The following MAP2 variants were observed in gnomAD, a reference collection of about 807,000 sequenced individuals.
MAP2 encodes the protein microtubule associated protein 2.
MAP2 carries 14 observed loss-of-function variants against 137.6 expected under a neutral mutation model. That is an observed-to-expected ratio of 0.10 (90% CI 0.07 to 0.16). The LOEUF (loss-of-function observed/expected upper bound fraction) is 0.16. Ranked by LOEUF, MAP2 falls within the 10% of genes least tolerant of loss-of-function variation. The probability of loss-of-function intolerance (pLI) is 1.00; values close to 1 mark genes in which losing one functional copy is unlikely to be tolerated. For missense variants in MAP2, 2,088 were observed against 2,191.5 expected, an observed-to-expected ratio of 0.95 and a Z score of 0.94; for synonymous variants, 786 against 782.3, an observed-to-expected ratio of 1.00 and a Z score of -0.08.
intron 1 of MAP2, among the ~76,000 whole-genome samples, chr2:209,477,336 A>G (rs917070144): frequency 2.0e-5 from 3 of 152,230 alleles, no homozygotes; most frequent in Non-Finnish European, 4.4e-5. Flanking sequence ...TATATTGAAA[A>G]AAAAGCCACA....
At chr2:209,515,137 T>G (rs1262652439) in intron 2 of MAP2, among the ~76,000 whole-genome samples, 1 of 152,172 alleles carries the variant, frequency 6.6e-6, no homozygotes, top group Non-Finnish European at 1.5e-5. Context: ...GTCTTCATTT[T>G]CTTTCTTTCG....
chr2:209,446,976 C>G (rs1019439216), intron 1 of MAP2, among the ~76,000 whole-genome samples: 2 of 152,048 alleles, frequency 1.3e-5, no homozygotes, highest in Middle Eastern at 3.4e-3. Context: ...GTAGGTACTT[C>G]AAGATTACCT....
intron 1 of MAP2, among the ~76,000 whole-genome samples, chr2:209,485,095 C>T (rs950995832): frequency 4.6e-5 from 7 of 152,182 alleles, no homozygotes; most frequent in African/African-American, 1.7e-4. Flanking sequence ...TCTATAGTTT[C>T]TTTGCTGTGG....
intron 5 of MAP2, among the ~76,000 whole-genome samples, chr2:209,676,361 G>T (rs2153677110): frequency 6.6e-6 from 1 of 151,398 alleles, no homozygotes; most frequent in African/African-American, 2.4e-5. Context: ...ACATCAAGGG[G>T]AACAACACAC....
intron 13 of MAP2, among the ~76,000 whole-genome samples, chr2:209,719,487 T>C (rs1051292310): frequency 4.6e-5 from 7 of 152,238 alleles, no homozygotes; most frequent in African/African-American, 1.7e-4. Context: ...GAATGTATTT[T>C]CTTTCATTTT....
At chr2:209,635,829 A>G (rs531123011) in intron 4 of MAP2, among the ~76,000 whole-genome samples, 7 of 152,132 alleles carry the variant, frequency 4.6e-5, no homozygotes, top group South Asian at 2.1e-4. Flanking sequence ...CGGCCATTTA[A>G]TAGAATTCTC....
At chr2:209,468,572 G>A (rs527611822) in intron 1 of MAP2, among the ~76,000 whole-genome samples, 273 of 151,872 alleles carry the variant, frequency 1.8e-3, no homozygotes, top group African/African-American at 6.0e-3. Flanking sequence ...CACCCGCCTC[G>A]GCCTCCCAAA....
At chr2:209,481,949 G>A (rs1708880430) in intron 1 of MAP2, among the ~76,000 whole-genome samples, 1 of 152,052 alleles carries the variant, frequency 6.6e-6, no homozygotes, top group Non-Finnish European at 1.5e-5. Context: ...TAAAATACAC[G>A]AGCATTCTCT....
intron 1 of MAP2, among the ~76,000 whole-genome samples, chr2:209,472,751 C>A (rs928863380): frequency 2.0e-5 from 3 of 152,010 alleles, no homozygotes; most frequent in African/African-American, 7.3e-5. Flanking sequence ...AAAATTATTG[C>A]CGTCACTGAA....
rs1330924685 is a variant in MAP2, at chr2:209,485,432, A to G, written c.-221-22160A>G. 3.3e-5 allele frequency among the ~76,000 whole-genome samples: 5 copies of G among 152,288 alleles called. No individual in the cohort carries two copies. The South Asian group carries it at 1.0e-3, about 32-fold the overall frequency. ...GGAAATAAAATACATGTTATTATTG[A>G]AAACACTTTATTGAATGAGGATTTC... On this transcript the variant is annotated intron_variant, in intron 1 of 15. Coordinates refer to ENST00000682079, the MANE Select transcript of MAP2 (RefSeq NM_001375505.1).
chr2:209,516,857 T>C (rs1576872957), intron 2 of MAP2, among the ~76,000 whole-genome samples: 2 of 152,250 alleles, frequency 1.3e-5, no homozygotes, highest in East Asian at 1.9e-4. Flanking sequence ...AGGGGTGTAC[T>C]GGCAGGCAGT....
chr2:209,680,609 A>G (rs886443058), intron 6 of MAP2, 141 bp from the exon 7 acceptor site: 3 of 707,062 alleles, frequency 4.2e-6, no homozygotes, highest in Non-Finnish European at 7.4e-6. Flanking sequence ...GGGCCTATAA[A>G]TAAACCAAAT....
At chr2:209,544,363 G>A (rs1029689453) in intron 2 of MAP2, among the ~76,000 whole-genome samples, 1 of 152,110 alleles carries the variant, frequency 6.6e-6, no homozygotes, top group East Asian at 1.9e-4. Flanking sequence ...AATGGTATTG[G>A]GAGAAATCTT....
chr2:209,524,631 T>G (rs1389217569), intron 2 of MAP2, among the ~76,000 whole-genome samples: 1 of 152,182 alleles, frequency 6.6e-6, no homozygotes, highest in African/African-American at 2.4e-5. Context: ...CTTTCATTAT[T>G]ATATGTGTAA....
At chr2:209,682,074 T>G (rs1402708790) in intron 7 of MAP2, among the ~76,000 whole-genome samples, 1 of 152,186 alleles carries the variant, frequency 6.6e-6, no homozygotes, top group Non-Finnish European at 1.5e-5. Flanking sequence ...AATCTTTTAA[T>G]TTATAGGTTT....
At chr2:209,575,368 A>T (rs2075164484) in intron 2 of MAP2, among the ~76,000 whole-genome samples, 1 of 151,856 alleles carries the variant, frequency 6.6e-6, no homozygotes, top group South Asian at 2.1e-4. Context: ...AAAAATTCAG[A>T]AAACTAGCCG....
intron 2 of MAP2, among the ~76,000 whole-genome samples, chr2:209,556,323 C>T (rs866700326): frequency 6.6e-6 from 1 of 152,062 alleles, no homozygotes; most frequent in Non-Finnish European, 1.5e-5. Context: ...GGATTGTAGG[C>T]GCGAGCCACT....
chr2:209,636,649 T>C, intron 4 of MAP2, among the ~76,000 whole-genome samples: 1 of 151,952 alleles, frequency 6.6e-6, no homozygotes, highest in East Asian at 1.9e-4. Flanking sequence ...TGCACACTGA[T>C]ATATAATATC....
intron 1 of MAP2, among the ~76,000 whole-genome samples, chr2:209,481,787 A>T (rs1340172772): frequency 2.0e-5 from 3 of 152,206 alleles, no homozygotes; most frequent in Non-Finnish European, 4.4e-5. Flanking sequence ...TTTATTCAGA[A>T]CATAGAATTT....
Sources: allele counts gnomAD v4.1 joint callset (sites outside exome capture counted in the v4.1 genomes callset), GRCh38; gene constraint gnomAD v4.1.1; transcripts MANE v1.5; gene names NCBI Gene and HGNC (gene_info 2026-07-23, HGNC 2026-07-21).